Variants in ZNF804B observed in about 807,000 individuals in gnomAD.
The protein encoded by ZNF804B is zinc finger 804B.
A neutral mutation model predicts 101.4 loss-of-function variants in ZNF804B; 80 were observed. The observed-to-expected ratio is 0.79, with a 90% confidence interval of 0.66 to 0.95. The LOEUF (loss-of-function observed/expected upper bound fraction) is 0.95, where lower values mean the gene tolerates loss of function less well. Ranked by LOEUF, ZNF804B falls within the 40% of genes least tolerant of loss-of-function variation. The probability of loss-of-function intolerance (pLI) is 0.00; values close to 1 mark genes in which losing one functional copy is unlikely to be tolerated. For missense variants in ZNF804B, 1,673 were observed against 1,561.9 expected, an observed-to-expected ratio of 1.07 and a Z score of -1.20; for synonymous variants, 622 against 558.8, an observed-to-expected ratio of 1.11 and a Z score of -1.59.
intron 1 of ZNF804B, among the ~76,000 whole-genome samples, chr7:88,974,453 T>C (rs1282138655): frequency 6.6e-6 from 1 of 151,190 alleles, no homozygotes; most frequent in Admixed American, 6.6e-5. Flanking sequence ...CTAATGTACA[T>C]ATACTTTAAA....
In ZNF804B at chr7:88,898,381, C is replaced by T. The variant is rs116353286; in HGVS notation, c.108+138297C>T. ...GATTACAGGCGTGAGCCACAGCGCC[C>T]GGCCAGTTCTCCATTCTTATGGCTT... On this transcript the variant is annotated intron_variant, in intron 1 of 3. Transcript: ENST00000333190. Among the ~76,000 whole-genome samples the T allele has an allele frequency of 4.8e-3, 723 of 152,100 alleles. 6 individuals carry two copies. The highest frequency in any genetic ancestry group is 0.017 in the African/African-American group (694 of 41,490).
intron 1 of ZNF804B, among the ~76,000 whole-genome samples, chr7:89,200,724 C>A (rs1325259294): frequency 6.6e-6 from 1 of 151,996 alleles, no homozygotes; most frequent in East Asian, 1.9e-4. Flanking sequence ...TTTATGGTTT[C>A]TTTCTTCTGT....
intron 1 of ZNF804B, among the ~76,000 whole-genome samples, chr7:88,966,913 C>CT (rs1793463182): frequency 6.6e-6 from 1 of 150,654 alleles, no homozygotes; most frequent in Admixed American, 6.6e-5. Flanking sequence ...TCCATTGCAG[C>CT]TTGTTGCACT....
intron 1 of ZNF804B, among the ~76,000 whole-genome samples, chr7:88,903,239 G>T (rs1320237255): frequency 6.6e-6 from 1 of 152,030 alleles, no homozygotes; most frequent in Non-Finnish European, 1.5e-5. Context: ...AGGGGATTAT[G>T]GCCTCCAGTT....
intron 1 of ZNF804B, among the ~76,000 whole-genome samples, chr7:88,909,932 A>T (rs986905838): frequency 2.0e-5 from 3 of 151,868 alleles, no homozygotes; most frequent in African/African-American, 7.2e-5. Flanking sequence ...CTTTTGGTAA[A>T]TAATAGCCTC....
chr7:89,280,364 C>T (rs1167693618), intron 2 of ZNF804B, among the ~76,000 whole-genome samples: 11 of 151,704 alleles, frequency 7.3e-5, no homozygotes. Flanking sequence ...AAAGCAAGAG[C>T]AAACACATTC....
chr7:88,872,360 T>G (rs758567525), intron 1 of ZNF804B, among the ~76,000 whole-genome samples: 1 of 152,128 alleles, frequency 6.6e-6, no homozygotes, highest in Non-Finnish European at 1.5e-5. Flanking sequence ...GAGGCTGCAG[T>G]GAGCTATGAT....
intron 2 of ZNF804B, among the ~76,000 whole-genome samples, chr7:89,257,533 T>A (rs1199644036): frequency 6.6e-6 from 1 of 152,150 alleles, no homozygotes; most frequent in Non-Finnish European, 1.5e-5. Context: ...GTCCTTTACA[T>A]ATAAAAGGAG....
At chr7:89,257,613 A>T (rs908671860) in intron 2 of ZNF804B, among the ~76,000 whole-genome samples, 1 of 152,006 alleles carries the variant, frequency 6.6e-6, no homozygotes, top group East Asian at 1.9e-4. Flanking sequence ...GTATATATAT[A>T]TTTTTAACTT....
intron 1 of ZNF804B, among the ~76,000 whole-genome samples, chr7:89,205,769 G>A (rs903425505): frequency 6.6e-6 from 1 of 152,158 alleles, no homozygotes; most frequent in Non-Finnish European, 1.5e-5. Flanking sequence ...GCTGTTGGTG[G>A]ATCTACTATT....
At chr7:89,199,116 C>T (rs1183855975) in intron 1 of ZNF804B, among the ~76,000 whole-genome samples, 1 of 151,814 alleles carries the variant, frequency 6.6e-6, no homozygotes, top group Admixed American at 6.6e-5. Context: ...AACTTGTTAT[C>T]CATATAGTGT....
intron 1 of ZNF804B, among the ~76,000 whole-genome samples, chr7:88,854,443 C>CTT (rs1359034978): frequency 7.9e-6 from 1 of 126,294 alleles, no homozygotes; most frequent in Non-Finnish European, 1.6e-5. Flanking sequence ...TTCTTTCTTT[C>CTT]TTTCTTTCTT....
intron 2 of ZNF804B, among the ~76,000 whole-genome samples, chr7:89,309,758 T>C (rs1412138998): frequency 1.3e-3 from 31 of 23,292 alleles, no homozygotes; most frequent in African/African-American, 5.7e-3. Context: ...AGACCCTGTC[T>C]CAAAAAAAAA....
At chr7:88,890,434 A>G (rs1029039476) in intron 1 of ZNF804B, among the ~76,000 whole-genome samples, 6 of 152,156 alleles carry the variant, frequency 3.9e-5, no homozygotes, top group Admixed American at 2.6e-4. Flanking sequence ...GACCATGTTC[A>G]GCTTTGTAAA....
intron 2 of ZNF804B, among the ~76,000 whole-genome samples, chr7:89,253,382 A>G (rs2115793315): frequency 6.6e-6 from 1 of 152,298 alleles, no homozygotes; most frequent in South Asian, 2.1e-4. Flanking sequence ...CCAAAAGTAC[A>G]TTAATATGAA....
intron 2 of ZNF804B, among the ~76,000 whole-genome samples, chr7:89,326,810 T>G (rs981398124): frequency 2.0e-5 from 3 of 152,032 alleles, no homozygotes; most frequent in African/African-American, 7.2e-5. Flanking sequence ...CTGGATACAA[T>G]ATAGAAATAT....
At chr7:89,248,710 C>T (rs2115781758) in intron 2 of ZNF804B, among the ~76,000 whole-genome samples, 1 of 152,114 alleles carries the variant, frequency 6.6e-6, no homozygotes, top group South Asian at 2.1e-4. Flanking sequence ...GCCCACAGCC[C>T]CTATAAAGCA....
At position 88,849,651 on chromosome 7, in the gene ZNF804B, C is replaced by T. The variant is rs117837786; in HGVS notation, c.108+89567C>T. On this transcript the variant is annotated intron_variant, in intron 1 of 3. Coordinates refer to ENST00000333190, the MANE Select transcript of ZNF804B (RefSeq NM_181646.5). The stretch of plus-strand genomic sequence containing the variant: ...AGTAACTGAGATCACAGGTGCCCGC[C>T]ACCACACCTAGCTAATTAAAAGTTA... Among the ~76,000 whole-genome samples the T allele has an allele frequency of 2.6e-5, 4 of 151,548 alleles. No individual in the cohort carries two copies. In the East Asian group the frequency reaches 7.8e-4, roughly 29 times the overall value.
intron 1 of ZNF804B, 66 bp from the exon 2 acceptor site, chr7:89,218,089 T>A: frequency 6.7e-7 from 1 of 1,483,736 alleles, no homozygotes; most frequent in Non-Finnish European, 9.2e-7. Flanking sequence ...CCACCTTGAT[T>A]AATACGAGAT....
Sources: gnomAD v4.1 joint callset for allele counts (sites outside exome capture counted in the v4.1 genomes callset) on GRCh38, gnomAD v4.1.1 for gene constraint, MANE v1.5 for transcripts, NCBI Gene and HGNC (gene_info 2026-07-23, HGNC 2026-07-21) for gene names.